CNKSR2: variants seen among roughly 807,000 people sequenced by gnomAD.
The protein encoded by CNKSR2 is CNK homolog protein 2.
Under a neutral mutation model 84.4 loss-of-function variants are expected in CNKSR2, and 14 were observed. That is an observed-to-expected ratio of 0.17 (90% confidence interval 0.11 to 0.26). CNKSR2 has a LOEUF of 0.26. CNKSR2 is among the 10% of genes least tolerant of loss of function. CNKSR2 has a pLI of 1.00. For synonymous variants in CNKSR2, 275 were observed against 277.9 expected, an observed-to-expected ratio of 0.99 and a Z score of 0.10; for missense variants, 485 against 771.2, an observed-to-expected ratio of 0.63 and a Z score of 4.40.
At chrX:21,502,788 G>T (rs1192775815) in intron 8 of CNKSR2, among the ~76,000 whole-genome samples, 2 of 111,515 alleles carry the variant, frequency 1.8e-5, no homozygotes, top group Non-Finnish European at 3.8e-5. Context: ...GAATAATAGA[G>T]TGTTGGTAGT....
chrX:21,487,895 CAATT>C (rs2091401829), intron 5 of CNKSR2, among the ~76,000 whole-genome samples: 1 of 112,409 alleles, frequency 8.9e-6, no homozygotes, highest in African/African-American at 3.2e-5. Context: ...TGTTCAAAAA[CAATT>C]AAGAATTCTA....
chrX:21,432,240 T>C (rs752581795), intron 2 of CNKSR2, among the ~76,000 whole-genome samples: 1 of 111,855 alleles, frequency 8.9e-6, no homozygotes, highest in African/African-American at 3.2e-5. Flanking sequence ...GTATTGTTAA[T>C]AGAATATCTA....
chrX:21,452,240 G>T (rs766253392), intron 4 of CNKSR2, among the ~76,000 whole-genome samples: 1 of 110,989 alleles, frequency 9.0e-6, no homozygotes, highest in Admixed American at 9.6e-5. Flanking sequence ...ACAGGGGTGC[G>T]CCACCATGCT....
At position 21,652,687 on chromosome X, in the gene CNKSR2, T is replaced by G; in HGVS notation, c.*166T>G. On this transcript the variant is annotated 3_prime_UTR_variant, in exon 22 of 22. Coordinates refer to ENST00000379510, the MANE Select transcript of CNKSR2 (RefSeq NM_014927.5). ...ACAATACCACTATCTTTAATGAGCA[T>G]TTGTATATTTTATATGCAACAGTGC... 1 of 423,338 alleles carries G rather than the reference T, an allele frequency of 2.4e-6. No individual in the cohort carries two copies. The highest frequency in any genetic ancestry group is 4.1e-6 in the Non-Finnish European group (1 of 246,301). The allele number at this position is 423,338 out of a possible 1,213,427, so 34.9% of individuals were successfully genotyped here.
intron 6 of CNKSR2, chrX:21,493,272 A>G (rs922180666): frequency 1.8e-5 from 2 of 112,613 alleles, no homozygotes; most frequent in Admixed American, 1.9e-4. Flanking sequence ...AATGAGAGCT[A>G]TTGAAACAAC....
intron 3 of CNKSR2, among the ~76,000 whole-genome samples, chrX:21,433,682 A>ACG (rs1265621342): frequency 1.8e-5 from 2 of 108,827 alleles, no homozygotes; most frequent in African/African-American, 3.3e-5. Context: ...ACACACACAC[A>ACG]CACACACACA....
At chrX:21,565,428 T>C (rs1388760658) in intron 13 of CNKSR2, among the ~76,000 whole-genome samples, 2 of 111,993 alleles carry the variant, frequency 1.8e-5, no homozygotes, top group East Asian at 5.6e-4. Flanking sequence ...TGTTTAGTTA[T>C]GTATATCAAG....
intron 1 of CNKSR2, among the ~76,000 whole-genome samples, chrX:21,376,967 T>C (rs186658166): frequency 8.9e-6 from 1 of 112,586 alleles, no homozygotes; most frequent in East Asian, 2.8e-4. Context: ...ACCAGTCCTT[T>C]AAAAATCTTT....
chrX:21,448,340 A>G (rs1380705933), intron 4 of CNKSR2, among the ~76,000 whole-genome samples: 1 of 111,987 alleles, frequency 8.9e-6, no homozygotes, highest in African/African-American at 3.2e-5. Context: ...AACATCAAAT[A>G]TAAGTTATTA....
At chrX:21,396,320 A>G (rs191445359) in intron 1 of CNKSR2, among the ~76,000 whole-genome samples, 1 of 111,093 alleles carries the variant, frequency 9.0e-6, no homozygotes, top group Non-Finnish European at 1.9e-5. Flanking sequence ...TCTGAAAAAA[A>G]CAGTACTTTT....
At chrX:21,562,248 T>G (rs1282466344) in intron 12 of CNKSR2, among the ~76,000 whole-genome samples, 3 of 111,076 alleles carry the variant, frequency 2.7e-5, no homozygotes, top group African/African-American at 9.8e-5. Flanking sequence ...ATGCTGCTAC[T>G]TTGACTTTCT....
chrX:21,416,091 C>T (rs2090418361), intron 1 of CNKSR2, among the ~76,000 whole-genome samples: 2 of 111,105 alleles, frequency 1.8e-5, no homozygotes, highest in Non-Finnish European at 3.8e-5. Context: ...CCATATATGG[C>T]ATTTATTATG....
chrX:21,651,532 A>G (rs1234919143), intron 21 of CNKSR2, among the ~76,000 whole-genome samples: 1 of 111,677 alleles, frequency 9.0e-6, no homozygotes, highest in Non-Finnish European at 1.9e-5. Context: ...TGGCTGGCCC[A>G]GAGGTGTATG....
intron 1 of CNKSR2, among the ~76,000 whole-genome samples, chrX:21,385,426 A>G (rs1002223246): frequency 8.9e-5 from 10 of 111,997 alleles, no homozygotes; most frequent in African/African-American, 2.6e-4. Flanking sequence ...TTCTGTTGGC[A>G]ATATTCAGAG....
At chrX:21,415,348 G>C (rs1356135782) in intron 1 of CNKSR2, among the ~76,000 whole-genome samples, 4 of 110,006 alleles carry the variant, frequency 3.6e-5, no homozygotes, top group Non-Finnish European at 7.6e-5. Context: ...TTCTCTTTCA[G>C]GTTGTTGACT....
intron 1 of CNKSR2, among the ~76,000 whole-genome samples, chrX:21,393,188 C>T (rs1417705744): frequency 2.7e-5 from 3 of 112,178 alleles, no homozygotes; most frequent in Non-Finnish European, 5.6e-5. Context: ...AAAAGTGTTG[C>T]CCTGATTTGC....
At chrX:21,596,776 A>AT (rs900235860) in intron 17 of CNKSR2, among the ~76,000 whole-genome samples, 1 of 111,151 alleles carries the variant, frequency 9.0e-6, no homozygotes, top group Non-Finnish European at 1.9e-5. Flanking sequence ...CCTTTCGTAT[A>AT]GTTTCCATAA....
intron 17 of CNKSR2, among the ~76,000 whole-genome samples, chrX:21,597,407 A>C (rs2092456485): frequency 8.9e-6 from 1 of 111,929 alleles, no homozygotes; most frequent in Non-Finnish European, 1.9e-5. Flanking sequence ...GGCCGTCTCC[A>C]CATTATACAT....
intron 8 of CNKSR2, among the ~76,000 whole-genome samples, chrX:21,515,234 A>G (rs746232435): frequency 9.0e-6 from 1 of 111,530 alleles, no homozygotes; most frequent in African/African-American, 3.2e-5. Context: ...CAAAGTCCCC[A>G]TTCTATAATA....
Sources: gnomAD v4.1 joint callset for allele counts (sites outside exome capture counted in the v4.1 genomes callset) on GRCh38, gnomAD v4.1.1 for gene constraint, MANE v1.5 for transcripts, NCBI Gene and HGNC (gene_info 2026-07-23, HGNC 2026-07-21) for gene names.